Variants in EYS observed in about 807,000 individuals in gnomAD.
EYS encodes EGF-like photoreceptor maintenance factor, also known as protein eyes shut homolog.
A neutral mutation model predicts 282.1 loss-of-function variants in EYS; 250 were observed. The ratio of observed to expected loss-of-function variants is 0.89; its 90% CI spans 0.80 to 0.98. The LOEUF is 0.98. EYS is among the 50% of genes least tolerant of loss of function. EYS has a pLI of 0.00. For missense variants in EYS, 4,016 were observed against 3,709.0 expected (o/e 1.08, Z -2.15); for synonymous variants, 1,355 against 1,282.9 (o/e 1.06, Z -1.20).
At chr6:64,787,682 AAT>A (rs1293068812) in intron 22 of EYS, among the ~76,000 whole-genome samples, 1 of 149,886 alleles carries the variant, frequency 6.7e-6, no homozygotes, top group East Asian at 1.9e-4. Context: ...GTAAACTAAT[AAT>A]ATGTCTATAT....
At chr6:64,393,434 T>A (rs930295696) in intron 28 of EYS, among the ~76,000 whole-genome samples, 1 of 152,192 alleles carries the variant, frequency 6.6e-6, no homozygotes, top group South Asian at 2.1e-4. Context: ...TTATCCACCA[T>A]GATCAAGTGG....
intron 35 of EYS, among the ~76,000 whole-genome samples, chr6:63,961,709 A>G (rs1766071458): frequency 1.3e-5 from 2 of 152,274 alleles, no homozygotes; most frequent in South Asian, 2.1e-4. Flanking sequence ...TAGGGGAAGG[A>G]CACTAATCCC....
chr6:65,095,479 C>G (rs1774713203), intron 12 of EYS, among the ~76,000 whole-genome samples: 1 of 150,468 alleles, frequency 6.6e-6, no homozygotes, highest in Admixed American at 6.7e-5. Flanking sequence ...TAATGTGTAT[C>G]TTCAATAATG....
chr6:64,020,235 C>T (rs766507880), intron 33 of EYS, among the ~76,000 whole-genome samples: 2 of 152,094 alleles, frequency 1.3e-5, no homozygotes, highest in East Asian at 3.8e-4. Context: ...AGCCAACACA[C>T]AGAAATGACA....
chr6:64,897,626 G>T (rs748428025), intron 18 of EYS, among the ~76,000 whole-genome samples: 10 of 152,192 alleles, frequency 6.6e-5, no homozygotes, highest in Non-Finnish European at 2.9e-5. Context: ...ACAAAAGTAG[G>T]CTTTAGAAGG....
At chr6:64,369,021 G>A (rs57204818) in intron 29 of EYS, among the ~76,000 whole-genome samples, 14 of 152,000 alleles carry the variant, frequency 9.2e-5, no homozygotes, top group Non-Finnish European at 1.8e-4. Context: ...ATCTTCCAGG[G>A]ATTTTATAGT....
intron 33 of EYS, among the ~76,000 whole-genome samples, chr6:64,044,974 T>C (rs999412040): frequency 6.6e-6 from 1 of 152,180 alleles, no homozygotes; most frequent in African/African-American, 2.4e-5. Context: ...TAGAACATTG[T>C]ATATAGAACA....
intron 35 of EYS, among the ~76,000 whole-genome samples, chr6:63,887,314 G>GTTTTTTTTTTTT (rs35622877): frequency 8.3e-6 from 1 of 120,236 alleles, no homozygotes; most frequent in Non-Finnish European, 1.7e-5. Context: ...AATAAAAGGT[G>GTTTTTTTTTTTT]TTTTTTTTTT....
intron 29 of EYS, among the ~76,000 whole-genome samples, chr6:64,385,364 A>G (rs2150422525): frequency 6.6e-6 from 1 of 152,316 alleles, no homozygotes; most frequent in East Asian, 1.9e-4. Context: ...AACAGTATAA[A>G]AAAGAATAAA....
At chr6:63,898,847 T>G (rs1258411704) in intron 35 of EYS, among the ~76,000 whole-genome samples, 1 of 152,178 alleles carries the variant, frequency 6.6e-6, no homozygotes, top group African/African-American at 2.4e-5. Flanking sequence ...GATGGAATCA[T>G]TTTTCCAATA....
chr6:65,132,161 T>C (rs868244727), intron 12 of EYS, among the ~76,000 whole-genome samples: 1 of 151,724 alleles, frequency 6.6e-6, no homozygotes, highest in African/African-American at 2.4e-5. Context: ...TGATTCCTAC[T>C]GAAACTGTTC....
intron 19 of EYS, among the ~76,000 whole-genome samples, chr6:64,844,926 T>C (rs1562222002): frequency 6.6e-6 from 1 of 152,304 alleles, no homozygotes; most frequent in South Asian, 2.1e-4. Context: ...AGCCATCTAC[T>C]CATTAGCTAT....
chr6:65,103,104 C>T (rs1478389588), intron 12 of EYS, among the ~76,000 whole-genome samples: 1 of 151,364 alleles, frequency 6.6e-6, no homozygotes, highest in Admixed American at 6.6e-5. Flanking sequence ...TCTCTGGCCT[C>T]TCATCCTAGC....
chr6:64,446,020 T>A (rs1262285464), intron 26 of EYS, among the ~76,000 whole-genome samples: 1 of 152,250 alleles, frequency 6.6e-6, no homozygotes, highest in Non-Finnish European at 1.5e-5. Flanking sequence ...CACAATCACA[T>A]GTCCAAGCTA....
intron 35 of EYS, among the ~76,000 whole-genome samples, chr6:63,962,576 G>C (rs907771064): frequency 3.2e-4 from 49 of 152,180 alleles, no homozygotes; most frequent in African/African-American, 1.2e-3. Flanking sequence ...TCTCACACCA[G>C]TTGGAATGGT....
At chr6:65,252,312 A>T (rs561696215) in intron 12 of EYS, among the ~76,000 whole-genome samples, 39 of 152,056 alleles carry the variant, frequency 2.6e-4, no homozygotes, top group African/African-American at 8.4e-4. Flanking sequence ...GACAAAGAAA[A>T]TATAGTAATA....
intron 33 of EYS, among the ~76,000 whole-genome samples, chr6:64,005,267 G>GA (rs1768289096): frequency 6.6e-6 from 1 of 152,072 alleles, no homozygotes; most frequent in Admixed American, 6.6e-5. Flanking sequence ...GTCTTCTTTT[G>GA]AAAAGTGTCT....
chr6:64,493,757 C>T (rs576723749), intron 26 of EYS, among the ~76,000 whole-genome samples: 17 of 151,520 alleles, frequency 1.1e-4, no homozygotes, highest in Non-Finnish European at 2.4e-4. Flanking sequence ...TCTCAACATT[C>T]AGACTGGACT....
intron 35 of EYS, 41 bp downstream of exon 35, chr6:63,984,342 G>A: frequency 7.4e-7 from 1 of 1,345,346 alleles, no homozygotes; most frequent in Non-Finnish European, 1.0e-6. Context: ...AGAATTTGGA[G>A]TCATGTAACG....
Sources: allele counts gnomAD v4.1 joint callset (sites outside exome capture counted in the v4.1 genomes callset), GRCh38; gene constraint gnomAD v4.1.1; transcripts MANE v1.5; gene names NCBI Gene and HGNC (gene_info 2026-07-23, HGNC 2026-07-21).